The following LILRB1 variants were observed in gnomAD, a reference collection of about 807,000 sequenced individuals.
LILRB1 encodes leukocyte immunoglobulin like receptor B1.
Under a neutral mutation model 74.6 loss-of-function variants are expected in LILRB1, and 59 were observed. The observed-to-expected ratio is 0.79, with a 90% confidence interval of 0.64 to 0.98. The LOEUF (loss-of-function observed/expected upper bound fraction) is 0.98, where lower values mean the gene tolerates loss of function less well. LILRB1 is among the 50% of genes least tolerant of loss of function. The pLI is 0.00. For missense variants in LILRB1, 804 were observed against 822.6 expected (o/e 0.98, Z 0.28); for synonymous variants, 328 against 333.9 (o/e 0.98, Z 0.19).
intron 9 of LILRB1, chr19:54,634,388 G>A: frequency 1.9e-6 from 3 of 1,540,624 alleles, no homozygotes; most frequent in Non-Finnish European, 2.6e-6. Flanking sequence ...TCTGGTGCAG[G>A]AACAAGGGCT....
At chr19:54,636,248 G>GC in intron 13 of LILRB1, 1 of 721,530 alleles carries the variant, frequency 1.4e-6, no homozygotes, top group Non-Finnish European at 2.3e-6. Flanking sequence ...CCCTGCAAAG[G>GC]CCCCCAGGCA....
intron 1 of LILRB1, among the ~76,000 whole-genome samples, chr19:54,624,775 C>G (rs937648427): frequency 2.6e-5 from 4 of 152,088 alleles, no homozygotes; most frequent in Non-Finnish European, 5.9e-5. Context: ...TGGGCTGGTC[C>G]CCAGGGCACA....
At chr19:54,622,337 T>C (rs915502715) in intron 1 of LILRB1, among the ~76,000 whole-genome samples, 2 of 152,250 alleles carry the variant, frequency 1.3e-5, no homozygotes, top group African/African-American at 2.4e-5. Context: ...AATATTTTTC[T>C]ATTTGGTTGT....
chr19:54,625,943 C>T (rs140653071), upstream of LILRB1, among the ~76,000 whole-genome samples: 4 of 151,708 alleles, frequency 2.6e-5, no homozygotes, highest in South Asian at 2.1e-4. Context: ...ACCCCTTCCC[C>T]GTGTTAGAGA....
At chr19:54,618,836 A>G (rs2063381698) in intron 1 of LILRB1, among the ~76,000 whole-genome samples, 1 of 152,228 alleles carries the variant, frequency 6.6e-6, no homozygotes, top group South Asian at 2.1e-4. Flanking sequence ...ACAGGGAATT[A>G]ACTTTAAGTG....
chr19:54,625,171 C>T (rs540914474), intron 1 of LILRB1, among the ~76,000 whole-genome samples: 1 of 140,940 alleles, frequency 7.1e-6, no homozygotes, highest in African/African-American at 2.5e-5. Context: ...TCAGAGGGCA[C>T]TGAGCCAGGG....
At chr19:54,627,586 C>T (rs751674089), upstream of LILRB1, among the ~76,000 whole-genome samples, 2 of 152,232 alleles carry the variant, frequency 1.3e-5, no homozygotes, top group Admixed American at 6.5e-5. Flanking sequence ...AGATAAGATG[C>T]TCTCGAGAAA....
chr19:54,631,026 C>T lies in LILRB1; in HGVS notation c.-48C>T, dbSNP rs761463525. The T allele has an allele frequency of 1.2e-6, 2 of 1,614,262 alleles. No individual in the cohort carries two copies. Among genetic ancestry groups the T allele is most frequent in the South Asian group, 2.2e-5 (2 of 91,088 alleles). On this transcript the variant is annotated splice_region_variant and 5_prime_UTR_variant, in exon 2 of 15. Transcript: ENST00000324602. ...TCTGTGTGTCTCTCTATCCTGCCAG[C>T]ACCGAGGGCTCATCCATCCACAGAG...
Position 54,633,246 on chromosome 19 carries a change from T to A in LILRB1, c.1189T>A (p.Cys397Ser). 6.2e-7 allele frequency: 1 copy of A among 1,614,014 alleles called. No homozygotes were observed. The highest frequency in any genetic ancestry group is 1.3e-5 in the African/African-American group (1 of 74,992). The change falls in exon 7 of 15, where the codon TGC becomes AGC. Residue 397 changes from cysteine to serine, a missense_variant. Coordinates refer to ENST00000324602, the MANE Select transcript of LILRB1 (RefSeq NM_001081637.3). ...CTCAGCCCATGCGGGGACCTACAGG[T>A]GCTACGGCTCACAGAGCTCCAAACC... The part of the protein sequence containing the change: ...VTSAHAGTYR[C>S]YGSQSSKPYL...
Position 54,625,187 on chromosome 19 carries a change from G to A in LILRB1, c.-165-5330G>A, listed in dbSNP as rs115831237. On this transcript the variant is annotated intron_variant, in intron 1 of 15. Coordinates refer to the LILRB1 transcript ENST00000396331. ...CAGAGGGCACTGAGCCAGGGCCACGGTGTTCGGGTGGGGGCAGGACGGGTG... is the reference window on the plus strand; with the variant it reads ...CAGAGGGCACTGAGCCAGGGCCACGATGTTCGGGTGGGGGCAGGACGGGTG... 7.2e-3 allele frequency among the ~76,000 whole-genome samples: 1,045 copies of A among 144,158 alleles called. 15 individuals are homozygous for A. The highest frequency in any genetic ancestry group is 0.023 in the African/African-American group (929 of 39,968). 94.6% of individuals were successfully genotyped at this position (144,158 alleles called of 152,430 possible).
At chr19:54,634,446 T>C in intron 9 of LILRB1, 195 bp from the exon 10 acceptor site, 2 of 1,521,776 alleles carry the variant, frequency 1.3e-6, no homozygotes. Context: ...GCTTCCTGGC[T>C]GGGGGCCCCG....
intron 1 of LILRB1, among the ~76,000 whole-genome samples, chr19:54,625,231 G>A (rs1051917998): frequency 1.4e-5 from 2 of 147,360 alleles, no homozygotes; most frequent in African/African-American, 4.9e-5. Context: ...CCTGCAGCTG[G>A]CAAGCCCCAT....
At position 54,633,304 on chromosome 19, in the gene LILRB1, A is replaced by C. The variant is rs568777126; in HGVS notation, c.1247A>C (p.Glu416Ala). Residue 416 changes from glutamate (E) to alanine (A), a missense_variant, in exon 7 of 15, where the codon GAG becomes GCG. Transcript: ENST00000324602. ...CTGACTCACCCCAGTGACCCCCTGG[A>C]GCTCGTGGTCTCAGGTGGGGGCCTT... ...YLLTHPSDPLELVVSGPSGGP... is the reference protein window; with the variant it reads ...YLLTHPSDPLALVVSGPSGGP... The C allele has an allele frequency of 1.1e-4, 173 of 1,613,842 alleles. 1 individual carries two copies. The South Asian group carries it at 1.8e-3, about 16-fold the overall frequency.
chr19:54,626,323 T>C (rs934421650), upstream of LILRB1, among the ~76,000 whole-genome samples: 10 of 152,230 alleles, frequency 6.6e-5, no homozygotes, highest in African/African-American at 2.4e-4. Context: ...AAGACATTGA[T>C]GTTATTTATT....
intron 1 of LILRB1, among the ~76,000 whole-genome samples, chr19:54,619,949 A>G (rs2063409622): frequency 1.6e-5 from 1 of 61,722 alleles, no homozygotes. Context: ...GTTATGTTAA[A>G]CCTCGTTTTT....
rs56837969 is a variant in LILRB1, at chr19:54,637,949, ATGTG to A, written c.*1083_*1086del. 0.014 allele frequency among the ~76,000 whole-genome samples: 2,135 copies of A among 151,966 alleles called. 58 individuals are homozygous for A. Among genetic ancestry groups the A allele is most frequent in the African/African-American group, 0.049 (2,031 of 41,452 alleles). ...AATCAGAGAATCTGACTCATTTTAGATGTGTGTGTGTGTGTATATATATGTGTGT... is the reference window on the plus strand; with the variant it reads ...AATCAGAGAATCTGACTCATTTTAGATGTGTGTGTGTATATATATGTGTGT... On this transcript the variant is annotated 3_prime_UTR_variant, in exon 15 of 15. Transcript: ENST00000324602.
intron 1 of LILRB1, among the ~76,000 whole-genome samples, chr19:54,622,584 G>C (rs1175124796): frequency 6.6e-6 from 1 of 152,076 alleles, no homozygotes; most frequent in Non-Finnish European, 1.5e-5. Context: ...GAATCTTCAG[G>C]GTTTTCTGGG....
chr19:54,633,502 C>A, intron 7 of LILRB1, 136 bp from the exon 8 acceptor site: 2 of 1,194,176 alleles, frequency 1.7e-6, no homozygotes, highest in East Asian at 2.5e-5. Flanking sequence ...AGTGGCATCG[C>A]CAGCATCATG....
chr19:54,634,817 C>T (rs1040096586), intron 10 of LILRB1, 54 bp downstream of exon 10: 1 of 1,599,208 alleles, frequency 6.3e-7, no homozygotes, highest in Non-Finnish European at 8.5e-7. Context: ...GCTCAGGGCA[C>T]AGCCAAAGAG....
Sources: allele counts gnomAD v4.1 joint callset (sites outside exome capture counted in the v4.1 genomes callset), GRCh38; gene constraint gnomAD v4.1.1; transcripts MANE v1.5; gene names NCBI Gene and HGNC (gene_info 2026-07-23, HGNC 2026-07-21).